Variants in DIABLO observed in about 807,000 individuals in gnomAD.
DIABLO encodes diablo IAP-binding mitochondrial protein, also known as diablo homolog, mitochondrial.
A neutral mutation model predicts 31.7 loss-of-function variants in DIABLO; 32 were observed. The observed-to-expected ratio is 1.01, with a 90% CI of 0.76 to 1.35. DIABLO has a LOEUF of 1.35. DIABLO is among the 40% of genes most tolerant of loss of function. The pLI, the probability that DIABLO is intolerant of heterozygous loss-of-function variation, is 0.00. For synonymous variants in DIABLO, 132 were observed against 103.2 expected (o/e 1.28, Z -1.69); for missense variants, 316 against 286.4 (o/e 1.10, Z -0.75).
At chr12:122,215,780 T>G (rs893701640) in intron 5 of DIABLO, among the ~76,000 whole-genome samples, 6 of 149,612 alleles carry the variant, frequency 4.0e-5, no homozygotes, top group Non-Finnish European at 5.9e-5. Flanking sequence ...CTCATGCCTA[T>G]AATCCCAGCA....
At chr12:122,226,374 G>A, upstream of DIABLO, 3 of 574,256 alleles carry the variant, frequency 5.2e-6, no homozygotes, top group Non-Finnish European at 6.1e-6. Flanking sequence ...GGGAGGCGGG[G>A]CCGGGCGGGA....
At chr12:122,225,294 T>C (rs576616311) in intron 1 of DIABLO, 24 of 608,220 alleles carry the variant, frequency 3.9e-5, no homozygotes, top group Non-Finnish European at 4.4e-5. Flanking sequence ...AGGCTGAGGC[T>C]GAGAATCGCT....
chr12:122,210,625 C>T (rs999241683), intron 5 of DIABLO, among the ~76,000 whole-genome samples: 1 of 151,984 alleles, frequency 6.6e-6, no homozygotes, highest in African/African-American at 2.4e-5. Context: ...GTGATCCACC[C>T]GCCTTGGCCT....
intron 2 of DIABLO, among the ~76,000 whole-genome samples, chr12:122,219,575 G>A (rs1233805592): frequency 1.3e-5 from 2 of 151,812 alleles, no homozygotes; most frequent in South Asian, 2.1e-4. Context: ...TAATAAAGTG[G>A]GCCAGGCATG....
intron 5 of DIABLO, among the ~76,000 whole-genome samples, chr12:122,212,448 T>A (rs748404248): frequency 6.1e-5 from 9 of 147,342 alleles, no homozygotes; most frequent in African/African-American, 2.5e-4. Context: ...TTGATGGTAG[T>A]TGGCTATACA....
intron 2 of DIABLO, chr12:122,218,838 G>A (rs1954272891): frequency 4.6e-6 from 1 of 216,720 alleles, no homozygotes; most frequent in African/African-American, 2.4e-5. Flanking sequence ...AGCTACTCGG[G>A]AGGCTGAGGC....
chr12:122,222,227 A>T (rs1293977815), intron 2 of DIABLO: 1 of 152,046 alleles, frequency 6.6e-6, no homozygotes, highest in Non-Finnish European at 1.5e-5. Flanking sequence ...ATTTCCAAAA[A>T]ATTTTTTTCC....
intron 5 of DIABLO, among the ~76,000 whole-genome samples, chr12:122,215,883 GAAAAA>G (rs60645708): frequency 2.1e-5 from 2 of 94,268 alleles, no homozygotes; most frequent in African/African-American, 7.2e-5. Flanking sequence ...TTTTATGAAG[GAAAAA>G]AAAAAAAAAA....
intron 1 of DIABLO, 191 bp from the exon 2 acceptor site, chr12:122,224,835 G>A: frequency 6.6e-7 from 1 of 1,508,794 alleles, no homozygotes; most frequent in Non-Finnish European, 8.9e-7. Context: ...GGGTGTTGGT[G>A]GCTCACGCCT....
intron 5 of DIABLO, among the ~76,000 whole-genome samples, chr12:122,211,552 AAAAAG>A (rs1954089585): frequency 6.6e-6 from 1 of 152,084 alleles, no homozygotes; most frequent in African/African-American, 2.4e-5. Flanking sequence ...CTTAAAAAAA[AAAAAG>A]AAAATTAGTT....
chr12:122,212,501 G>C (rs1244835388), intron 5 of DIABLO, among the ~76,000 whole-genome samples: 2 of 152,106 alleles, frequency 1.3e-5, no homozygotes, highest in Non-Finnish European at 2.9e-5. Flanking sequence ...CTAGTGTTGC[G>C]GAGAAGATGC....
At chr12:122,216,689 TAATTC>T (rs1286630517) in intron 4 of DIABLO, 65 bp downstream of exon 4, 6 of 1,537,590 alleles carry the variant, frequency 3.9e-6, no homozygotes, top group Admixed American at 3.3e-5. Context: ...TGATTAGACT[TAATTC>T]AATAATTTAG....
chr12:122,208,750 G>T, intron 5 of DIABLO, 173 bp from the exon 6 acceptor site: 1 of 720,260 alleles, frequency 1.4e-6, no homozygotes, highest in South Asian at 1.5e-5. Context: ...GTTCAGGTCT[G>T]GATTTAACTG....
Position 122,218,413 on chromosome 12 carries a change from A to G in DIABLO, c.184-16T>C, listed in dbSNP as rs774740739. 6.2e-7 allele frequency: 1 copy of G among 1,614,016 alleles called. No homozygotes were observed. Among genetic ancestry groups the G allele is most frequent in the South Asian group, 1.1e-5 (1 of 91,078 alleles). ...GCTCTGATTTCTGAAAGACACAAAC[A>G]TTGTCACTCAACCTCTAAAGCTCAA... On this transcript the variant is annotated splice_polypyrimidine_tract_variant and intron_variant, in intron 2 of 5. Transcript: ENST00000464942.
intron 5 of DIABLO, 121 bp from the exon 6 acceptor site, chr12:122,208,698 C>A (rs1226919647): frequency 2.1e-6 from 2 of 939,548 alleles, no homozygotes; most frequent in Non-Finnish European, 3.3e-6. Flanking sequence ...CTTTCCTTGA[C>A]CTCCCTGTCT....
At chr12:122,225,661 T>C in intron 1 of DIABLO, 1 of 1,353,900 alleles carries the variant, frequency 7.4e-7, no homozygotes, top group Non-Finnish European at 9.5e-7. Context: ...TCTCCACGTC[T>C]CCTCAGGGAC....
chr12:122,226,215 G>C, upstream of DIABLO: 1 of 853,648 alleles, frequency 1.2e-6, no homozygotes, highest in Non-Finnish European at 1.9e-6. Context: ...GCAACCAACC[G>C]CCGGAACTTC....
intron 1 of DIABLO, chr12:122,225,449 C>A (rs1455044728): frequency 2.0e-6 from 2 of 1,003,488 alleles, no homozygotes; most frequent in African/African-American, 3.5e-5. Flanking sequence ...GCCACAATAA[C>A]CGCTCCTGCA....
chr12:122,213,086 A>G (rs1954123404), intron 5 of DIABLO, among the ~76,000 whole-genome samples: 1 of 151,974 alleles, frequency 6.6e-6, no homozygotes, highest in Non-Finnish European at 1.5e-5. Flanking sequence ...ATGCCTGGCT[A>G]ATTTTTTTGT....
Sources: gnomAD v4.1 joint callset for allele counts (sites outside exome capture counted in the v4.1 genomes callset) on GRCh38, gnomAD v4.1.1 for gene constraint, MANE v1.5 for transcripts, NCBI Gene and HGNC (gene_info 2026-07-23, HGNC 2026-07-21) for gene names.